Variants in DNAH8 observed in about 807,000 individuals in gnomAD.
The protein encoded by DNAH8 is dynein axonemal heavy chain 8.
A neutral mutation model predicts 562.1 loss-of-function variants in DNAH8; 382 were observed. The observed-to-expected ratio is 0.68, with a 90% CI of 0.63 to 0.74. The LOEUF is 0.74. Among genes scored for constraint, DNAH8 ranks in the 30% least tolerant of loss-of-function variants. The pLI, the probability that DNAH8 is intolerant of heterozygous loss-of-function variation, is 0.00. For missense variants in DNAH8, 5,203 were observed against 5,620.4 expected (o/e 0.93, Z 2.37); for synonymous variants, 1,881 against 1,919.4 (o/e 0.98, Z 0.52).
Position 38,982,405 on chromosome 6 carries a change from C to A in DNAH8, c.12894C>A (p.Asp4298Glu). Residue 4298 changes from aspartate (D) to glutamate (E), a missense_variant, in exon 86 of 93, where the codon GAC becomes GAA. Around this residue, in one of 6 missense-constraint regions of DNAH8, gnomAD observed 1,399 missense variants for 1,518.4 expected, o/e 0.92. Coordinates refer to ENST00000327475, the MANE Select transcript of DNAH8 (RefSeq NM_001206927.2). ...WNIPYEFNSADFSASVQFIQN... is the reference protein window; with the variant it reads ...WNIPYEFNSAEFSASVQFIQN... ...TTCCCTACGAATTCAATTCTGCTGA[C>A]TTTTCAGCCAGTGTTCAGTTTATTC... 1.9e-6 allele frequency: 3 copies of A among 1,612,312 alleles called. No homozygotes were observed. Among genetic ancestry groups the A allele is most frequent in the Non-Finnish European group, 2.5e-6 (3 of 1,178,450 alleles).
At chr6:38,983,021 T>C (rs1255944360) in intron 86 of DNAH8, among the ~76,000 whole-genome samples, 1 of 152,204 alleles carries the variant, frequency 6.6e-6, no homozygotes, top group Non-Finnish European at 1.5e-5. Flanking sequence ...CCCATTTTAC[T>C]GATGAGGTAA....
chr6:38,870,704 C>G (rs576769088), intron 49 of DNAH8, 142 bp downstream of exon 49: 38 of 859,204 alleles, frequency 4.4e-5, no homozygotes, highest in Non-Finnish European at 6.0e-5. Context: ...AAAAAGAATA[C>G]TTGGAAGGAT....
chr6:39,021,562 C>T (rs1356923317), intron 91 of DNAH8, among the ~76,000 whole-genome samples: 2 of 152,196 alleles, frequency 1.3e-5, no homozygotes, highest in African/African-American at 4.8e-5. Context: ...CATTTTTATT[C>T]AACGGGGTTG....
rs947705937 is a variant in DNAH8 at position 38,815,034 on chromosome 6, G to A, written c.3334-434G>A. On this transcript the variant is annotated intron_variant, in intron 25 of 92. Coordinates refer to ENST00000327475, the MANE Select transcript of DNAH8 (RefSeq NM_001206927.2). ...TGACCTCCTGAAGGATACCTTCTTA[G>A]CTTATTTGGCACATTTCAAAGAACT... 2.0e-5 allele frequency among the ~76,000 whole-genome samples: 3 copies of A among 152,210 alleles called. No individual in the cohort carries two copies. In the East Asian group the frequency reaches 5.8e-4, roughly 29 times the overall value.
chr6:38,848,498 T>C, intron 36 of DNAH8, 150 bp from the exon 37 acceptor site: 3 of 603,282 alleles, frequency 5.0e-6, no homozygotes, highest in South Asian at 4.5e-5. Context: ...CAACAGTTTT[T>C]ATTAGCTGTA....
At chr6:38,989,958 G>A in intron 87 of DNAH8, 54 bp from the exon 88 acceptor site, 1 of 1,052,916 alleles carries the variant, frequency 9.5e-7, no homozygotes, top group Non-Finnish European at 1.4e-6. Flanking sequence ...TCTTGTAGCA[G>A]TTTTCATTTA....
intron 62 of DNAH8, among the ~76,000 whole-genome samples, chr6:38,900,828 GC>G (rs1780024872): frequency 6.6e-6 from 1 of 152,080 alleles, no homozygotes; most frequent in African/African-American, 2.4e-5. Context: ...TGTTGGCCAG[GC>G]TTCTCTTGAA....
chr6:38,817,902 T>G (rs1224086493), intron 26 of DNAH8, among the ~76,000 whole-genome samples: 1 of 152,168 alleles, frequency 6.6e-6, no homozygotes, highest in African/African-American at 2.4e-5. Flanking sequence ...ATCTCAAATG[T>G]TGAAATCCCA....
At chr6:38,907,891 T>C in intron 63 of DNAH8, 65 bp from the exon 64 acceptor site, 1 of 1,308,670 alleles carries the variant, frequency 7.6e-7, no homozygotes, top group Non-Finnish European at 1.0e-6. Flanking sequence ...GGACTGGACT[T>C]TGGCAGTGAA....
chr6:38,938,274 T>C, intron 78 of DNAH8, 48 bp downstream of exon 78: 2 of 1,561,350 alleles, frequency 1.3e-6, no homozygotes, highest in Non-Finnish European at 1.7e-6. Flanking sequence ...AAAAGTTTGC[T>C]TGTATTTCTA....
At chr6:38,746,467 T>C (rs1366204735) in intron 8 of DNAH8, among the ~76,000 whole-genome samples, 1 of 152,216 alleles carries the variant, frequency 6.6e-6, no homozygotes, top group African/African-American at 2.4e-5. Context: ...GAGAGTAGTA[T>C]TTAGGAACCA....
chr6:39,002,019 C>A (rs993507542), intron 88 of DNAH8, among the ~76,000 whole-genome samples: 4 of 152,162 alleles, frequency 2.6e-5, no homozygotes, highest in African/African-American at 9.7e-5. Context: ...GGCAACTGGG[C>A]AGACATTGAT....
intron 82 of DNAH8, among the ~76,000 whole-genome samples, chr6:38,961,089 T>A (rs1369055054): frequency 6.6e-6 from 1 of 151,948 alleles, no homozygotes; most frequent in Non-Finnish European, 1.5e-5. Context: ...AGGCATAGAA[T>A]GACAAATACC....
At chr6:38,930,126 TAA>T (rs1782445327) in intron 75 of DNAH8, among the ~76,000 whole-genome samples, 1 of 152,198 alleles carries the variant, frequency 6.6e-6, no homozygotes, top group East Asian at 1.9e-4. Flanking sequence ...ATTGATTTGG[TAA>T]AGTCATTGAT....
chr6:38,817,948 A>C (rs185212380), intron 26 of DNAH8, among the ~76,000 whole-genome samples: 7 of 152,320 alleles, frequency 4.6e-5, no homozygotes, highest in Admixed American at 4.6e-4. Flanking sequence ...TTCTGGAAAA[A>C]ATAATTATTA....
At chr6:38,888,633 A>G (rs1779125419) in intron 57 of DNAH8, among the ~76,000 whole-genome samples, 1 of 152,248 alleles carries the variant, frequency 6.6e-6, no homozygotes, top group Admixed American at 6.5e-5. Context: ...CAAAGTAAAG[A>G]TGGTAAACAT....
chr6:38,763,257 G>A (rs536500258), intron 11 of DNAH8: 14 of 248,836 alleles, frequency 5.6e-5, no homozygotes, highest in Admixed American at 3.6e-4. Context: ...CCCACTATTC[G>A]AAAATAATTC....
intron 1 of DNAH8, among the ~76,000 whole-genome samples, chr6:38,716,199 G>C (rs1003054808): frequency 1.3e-5 from 2 of 150,094 alleles, no homozygotes; most frequent in African/African-American, 2.5e-5. Flanking sequence ...CTGACCTTGT[G>C]ATCCGCCCAC....
chr6:38,935,367 A>G (rs1262204296), intron 76 of DNAH8, among the ~76,000 whole-genome samples: 5 of 152,246 alleles, frequency 3.3e-5, no homozygotes, highest in African/African-American at 1.2e-4. Flanking sequence ...GCCTGCCAGT[A>G]TAAGTGCTGT....
Sources: allele counts gnomAD v4.1 joint callset (sites outside exome capture counted in the v4.1 genomes callset), GRCh38; gene constraint gnomAD v4.1.1; regional missense constraint gnomAD v4.1.1; transcripts MANE v1.5; gene names NCBI Gene and HGNC (gene_info 2026-07-23, HGNC 2026-07-21).